GPR141: variants seen among roughly 807,000 people sequenced by gnomAD.
GPR141 encodes the protein G protein-coupled receptor 141, also known as probable G protein-coupled receptor 141.
In GPR141, 6 loss-of-function variants were observed where a neutral mutation model predicts 6.8. The observed-to-expected ratio is 0.88, with a 90% confidence interval of 0.48 to 1.74. The LOEUF is 1.74. Ranked by LOEUF, GPR141 falls within the 40% of genes most tolerant of loss-of-function variation. The pLI is 0.01. For missense variants in GPR141, 372 were observed against 372.9 expected (o/e 1.00, Z 0.02); for synonymous variants, 140 against 142.3 (o/e 0.98, Z 0.11).
chr7:37,707,807 CAA>C (rs1229026046), intron 2 of GPR141, among the ~76,000 whole-genome samples: 1 of 151,772 alleles, frequency 6.6e-6, no homozygotes, highest in African/African-American at 2.4e-5. Context: ...AGGTTGGGAG[CAA>C]AGAGAGAAAA....
At chr7:37,711,915 G>A (rs1810816110) in intron 2 of GPR141, among the ~76,000 whole-genome samples, 1 of 152,182 alleles carries the variant, frequency 6.6e-6, no homozygotes, top group African/African-American at 2.4e-5. Context: ...GAGTGCTGGA[G>A]GTTTAGAAAA....
chr7:37,714,501 C>G (rs916702046), intron 2 of GPR141, among the ~76,000 whole-genome samples: 25 of 152,256 alleles, frequency 1.6e-4, no homozygotes, highest in African/African-American at 4.8e-4. Context: ...CCACTAGGTT[C>G]TAGAGTATTG....
chr7:37,713,485 A>G (rs555609114), intron 2 of GPR141: 2 of 152,260 alleles, frequency 1.3e-5, no homozygotes, highest in African/African-American at 2.4e-5. Context: ...CTATGAATAA[A>G]CTGTTAAAAC....
At chr7:37,701,202 G>A (rs570840691) in intron 2 of GPR141, among the ~76,000 whole-genome samples, 27 of 152,266 alleles carry the variant, frequency 1.8e-4, no homozygotes, top group African/African-American at 5.5e-4. Context: ...AGAAGAAAAT[G>A]TATGATTATT....
intron 2 of GPR141, among the ~76,000 whole-genome samples, chr7:37,724,591 T>TC (rs747666877): frequency 2.0e-5 from 3 of 152,196 alleles, no homozygotes; most frequent in Non-Finnish European, 2.9e-5. Flanking sequence ...CATCCCAGAA[T>TC]CTTTTCTCAA....
intron 2 of GPR141, among the ~76,000 whole-genome samples, chr7:37,705,471 G>A (rs1317976489): frequency 1.3e-5 from 2 of 152,118 alleles, no homozygotes; most frequent in African/African-American, 2.4e-5. Context: ...GTTGGATTCT[G>A]GCTTATGCTA....
Position 37,740,573 on chromosome 7 carries a change from G to C in GPR141, c.180G>C (p.Val60=), listed in dbSNP as rs1357299624. 39 of 1,613,934 alleles carry C rather than the reference G, an allele frequency of 2.4e-5. No homozygotes were observed. Among genetic ancestry groups the C allele is most frequent in the Non-Finnish European group, 3.2e-5 (38 of 1,179,980 alleles). ...VTTMAVINLV[V]VHSVFLLTVP... is the part of the protein sequence containing the mutation. ...CCATGGCGGTCATTAACTTGGTGGT[G>C]GTCCACAGCGTTTTTCTGCTGACAG... Residue 60 remains valine, a synonymous_variant, in exon 3 of 3, where the codon GTG becomes GTC. Transcript: ENST00000334425.
intron 2 of GPR141, among the ~76,000 whole-genome samples, chr7:37,720,323 C>T (rs201257178): frequency 6.6e-6 from 1 of 151,722 alleles, no homozygotes; most frequent in Admixed American, 6.6e-5. Flanking sequence ...AATGGCTTTA[C>T]ATGGCCCACC....
intron 2 of GPR141, among the ~76,000 whole-genome samples, chr7:37,686,735 T>A (rs1019486273): frequency 6.6e-5 from 10 of 152,184 alleles, no homozygotes; most frequent in Admixed American, 5.9e-4. Context: ...CAAAGATGGC[T>A]TCTCTTTTCA....
rs1307726194 is a variant in GPR141 at position 37,741,962 on chromosome 7, G to T, written c.*651G>T. On this transcript the variant is annotated 3_prime_UTR_variant, in exon 3 of 3. Coordinates refer to ENST00000334425, the MANE Select transcript of GPR141 (RefSeq NM_001381946.1). ...GTGAAAGGTCGTTTAAGGACTTGGG[G>T]ATCAACTTCCTCAATTATCACCAAT... Among the ~76,000 whole-genome samples the T allele has an allele frequency of 6.6e-6, 1 of 152,160 alleles. No homozygotes were observed. The highest frequency in any genetic ancestry group is 2.4e-5 in the African/African-American group (1 of 41,440).
chr7:37,719,033 G>T (rs1024681425), intron 2 of GPR141, among the ~76,000 whole-genome samples: 1 of 152,250 alleles, frequency 6.6e-6, no homozygotes, highest in Non-Finnish European at 1.5e-5. Context: ...GCCTGTGCGT[G>T]AAGAGTTTCA....
intron 2 of GPR141, among the ~76,000 whole-genome samples, chr7:37,712,287 C>T (rs1280081428): frequency 6.6e-6 from 1 of 152,160 alleles, no homozygotes; most frequent in Non-Finnish European, 1.5e-5. Context: ...ATAACAGTGA[C>T]TATTCACCTC....
intron 2 of GPR141, among the ~76,000 whole-genome samples, chr7:37,696,240 T>C (rs936457666): frequency 1.3e-5 from 2 of 152,246 alleles, no homozygotes; most frequent in Non-Finnish European, 2.9e-5. Flanking sequence ...TGTAGGTTAA[T>C]GGATGTCTTC....
intron 2 of GPR141, among the ~76,000 whole-genome samples, chr7:37,687,125 A>G (rs536834347): frequency 6.6e-6 from 1 of 152,162 alleles, no homozygotes; most frequent in South Asian, 2.1e-4. Context: ...TGCCCAATTG[A>G]TGATGTCAGT....
chr7:37,725,042 T>C (rs1205812790), intron 2 of GPR141, among the ~76,000 whole-genome samples: 1 of 152,186 alleles, frequency 6.6e-6, no homozygotes, highest in Non-Finnish European at 1.5e-5. Context: ...GTGCACTGGA[T>C]GCTATAATCT....
chr7:37,698,777 CTTTTT>C (rs1810142767), intron 2 of GPR141, among the ~76,000 whole-genome samples: 1 of 152,092 alleles, frequency 6.6e-6, no homozygotes, highest in Admixed American at 6.6e-5. Context: ...GAGCTGCTCT[CTTTTT>C]TTAATTTCTC....
intron 2 of GPR141, among the ~76,000 whole-genome samples, chr7:37,722,519 C>T (rs1196826340): frequency 1.3e-5 from 2 of 151,488 alleles, no homozygotes; most frequent in African/African-American, 2.4e-5. Flanking sequence ...GTCAGGAGTT[C>T]GAGACTAGCC....
chr7:37,712,602 C>T (rs1420899878), intron 2 of GPR141, among the ~76,000 whole-genome samples: 1 of 152,116 alleles, frequency 6.6e-6, no homozygotes, highest in East Asian at 1.9e-4. Context: ...TTAAGCACAC[C>T]TGATACCTGA....
rs896797474 is a variant in GPR141 at position 37,715,177 on chromosome 7, G to A, written c.-14-25203G>A. Among the ~76,000 whole-genome samples, 8 of 152,164 alleles carry A rather than the reference G, an allele frequency of 5.3e-5. No homozygotes were observed. In the South Asian group the frequency reaches 1.2e-3, roughly 24 times the overall value. ...ACTCTGTTGCCCAGGCTGGAGTGCA[G>A]TGGCATGATCACAGCGCACTGCAGC... On this transcript the variant is annotated intron_variant, in intron 2 of 2. Transcript: ENST00000334425.
Sources: gnomAD v4.1 joint callset for allele counts (sites outside exome capture counted in the v4.1 genomes callset) on GRCh38, gnomAD v4.1.1 for gene constraint, MANE v1.5 for transcripts, NCBI Gene and HGNC (gene_info 2026-07-23, HGNC 2026-07-21) for gene names.